The following KLHL13 variants were observed in gnomAD, a reference collection of about 807,000 sequenced individuals.
The protein encoded by KLHL13 is kelch-like protein 13.
In KLHL13, 10 loss-of-function variants were observed where a neutral mutation model predicts 37.1. The ratio of observed to expected loss-of-function variants is 0.27; its 90% CI spans 0.17 to 0.46. The LOEUF is 0.46. Ranked by LOEUF, KLHL13 falls within the 20% of genes least tolerant of loss-of-function variation. The pLI is 1.00. For synonymous variants in KLHL13, 163 were observed against 181.2 expected, an observed-to-expected ratio of 0.90 and a Z score of 0.81; for missense variants, 360 against 509.3, an observed-to-expected ratio of 0.71 and a Z score of 2.82.
rs1039938701 is a variant in KLHL13, at chrX:117,973,713, G to A, written c.-885C>T. Reference sequence around the variant, plus strand: ...ATATCACTCTCTCTTCTGCAGCAGCGAAGTACAGAGTAGCATGCTCTTAAT... The same window carrying A: ...ATATCACTCTCTCTTCTGCAGCAGCAAAGTACAGAGTAGCATGCTCTTAAT... On this transcript the variant is annotated 5_prime_UTR_variant, in exon 1 of 7. Coordinates refer to ENST00000262820, the Ensembl canonical transcript of KLHL13. 47 of 832,340 alleles carry A rather than the reference G, an allele frequency of 5.6e-5. No individual in the cohort carries two copies. In the African/African-American group the frequency reaches 9.3e-4, roughly 16 times the overall value. 68.6% of individuals were successfully genotyped at this position (832,340 alleles called of 1,213,427 possible). A position where few individuals can be genotyped will look rare whatever the true frequency, so the allele number is the denominator to read the frequency against.
chrX:117,945,676 A>G, intron 1 of KLHL13, 101 bp from the exon 3 acceptor site: 2 of 634,431 alleles, frequency 3.2e-6, no homozygotes, highest in Non-Finnish European at 4.9e-6. Context: ...CAATCATATG[A>G]CCATGCAATA....
At chrX:118,070,516 T>C (rs1223055153) in intron 1 of KLHL13, among the ~76,000 whole-genome samples, 1 of 111,741 alleles carries the variant, frequency 8.9e-6, no homozygotes, top group Non-Finnish European at 1.9e-5. Flanking sequence ...TAGTATATGG[T>C]CAATTTTAAT....
intron 1 of KLHL13, among the ~76,000 whole-genome samples, chrX:118,043,892 G>C (rs1241865273): frequency 9.0e-6 from 1 of 111,503 alleles, no homozygotes. Context: ...GTCCTAGATA[G>C]AGCAACCAGA....
chrX:118,020,693 G>A (rs144033334), intron 1 of KLHL13, among the ~76,000 whole-genome samples: 3,915 of 110,306 alleles, frequency 0.035, 95 homozygotes, highest in Non-Finnish European at 0.056. Flanking sequence ...ACATGCACAC[G>A]TATGTTTATT....
intron 2 of KLHL13, among the ~76,000 whole-genome samples, chrX:117,930,242 G>GAGGGAGGA (rs1932346230): frequency 1.3e-4 from 8 of 62,992 alleles, no homozygotes; most frequent in Non-Finnish European, 2.0e-4. Flanking sequence ...GGAAGGAAGG[G>GAGGGAGGA]AGGAAGGAAG....
intron 4 of KLHL13, among the ~76,000 whole-genome samples, chrX:117,911,600 C>G (rs757354079): frequency 7.2e-5 from 8 of 111,580 alleles, no homozygotes; most frequent in Non-Finnish European, 1.5e-4. Flanking sequence ...CTCCCTGTGC[C>G]CATGAGTTCT....
At chrX:118,032,521 G>C (rs1280772355) in intron 1 of KLHL13, among the ~76,000 whole-genome samples, 1 of 112,055 alleles carries the variant, frequency 8.9e-6, no homozygotes, top group South Asian at 3.7e-4. Flanking sequence ...CAGACCTGCA[G>C]CTGAGGGTCC....
At chrX:118,079,270 GATGT>G (rs773483881) in intron 1 of KLHL13, among the ~76,000 whole-genome samples, 1 of 110,336 alleles carries the variant, frequency 9.1e-6, no homozygotes, top group African/African-American at 3.3e-5. Flanking sequence ...AGGCTTAAAA[GATGT>G]ATAGGAAGTC....
At chrX:117,903,123 G>A (rs1158584470) in intron 5 of KLHL13, among the ~76,000 whole-genome samples, 1 of 96,802 alleles carries the variant, frequency 1.0e-5, no homozygotes, top group Non-Finnish European at 2.1e-5. Flanking sequence ...AAAATAACAT[G>A]GTGACAGGCA....
chrX:117,948,353 C>T (rs1933423362), intron 1 of KLHL13, among the ~76,000 whole-genome samples: 1 of 111,917 alleles, frequency 8.9e-6, no homozygotes, highest in Non-Finnish European at 1.9e-5. Flanking sequence ...TCCAAGGCTA[C>T]CTAACAGAAT....
intron 1 of KLHL13, among the ~76,000 whole-genome samples, chrX:118,031,456 GAT>G (rs1165597330): frequency 1.2e-5 from 1 of 86,554 alleles, no homozygotes; most frequent in Non-Finnish European, 2.1e-5. Flanking sequence ...TATATATATA[GAT>G]ATATATATTT....
chrX:117,909,467 A>G (rs1243894009), exon 5 of KLHL13: 1 of 1,211,774 alleles, frequency 8.3e-7, no homozygotes, highest in South Asian at 1.8e-5. Flanking sequence ...CTTTTGTATC[A>G]TAATTACTCT....
At chrX:117,958,837 A>G (rs1165377146) in intron 1 of KLHL13, among the ~76,000 whole-genome samples, 2 of 111,730 alleles carry the variant, frequency 1.8e-5, no homozygotes, top group East Asian at 5.6e-4. Context: ...TAACAAAACG[A>G]TTGCCAACTT....
At chrX:118,080,589 T>C (rs759595007) in intron 1 of KLHL13, among the ~76,000 whole-genome samples, 2 of 111,946 alleles carry the variant, frequency 1.8e-5, no homozygotes, top group Non-Finnish European at 3.8e-5. Context: ...AGAATGGCTG[T>C]TATTAAAAAG....
chrX:118,002,495 A>T lies in KLHL13; in HGVS notation c.-55-56920T>A, dbSNP rs6646024. On this transcript the variant is annotated intron_variant, in intron 1 of 6. Coordinates refer to the KLHL13 transcript ENST00000371882. ...GTAATTCCAGCTACTTGGGAGGCTG[A>T]AGCAGGAGAATTGCTTGAACCTGGG... Among the ~76,000 whole-genome samples the T allele has an allele frequency of 5.7e-3, 622 of 109,300 alleles. 5 individuals carry two copies. The highest frequency in any genetic ancestry group is 0.018 in the African/African-American group (534 of 30,017). The allele number at this position is 109,300 out of a possible 115,157, so 94.9% of individuals were successfully genotyped here. A position where few individuals can be genotyped will look rare whatever the true frequency, so the allele number is the denominator to read the frequency against.
chrX:118,055,040 A>G (rs1024948103), intron 1 of KLHL13, among the ~76,000 whole-genome samples: 4 of 111,694 alleles, frequency 3.6e-5, no homozygotes, highest in African/African-American at 1.3e-4. Context: ...TTTCCAGCAG[A>G]AATCACCATG....
At chrX:118,067,433 T>TAA (rs2054807067) in intron 1 of KLHL13, among the ~76,000 whole-genome samples, 1 of 107,968 alleles carries the variant, frequency 9.3e-6, no homozygotes, top group Admixed American at 9.7e-5. Context: ...TACACTTAGG[T>TAA]AAACTAAATT....
chrX:117,941,781 C>A (rs890843782), intron 2 of KLHL13, among the ~76,000 whole-genome samples: 5 of 111,464 alleles, frequency 4.5e-5, no homozygotes, highest in African/African-American at 1.6e-4. Context: ...TTTCAAAAAA[C>A]CAGCTCCTGG....
chrX:117,916,207 A>G (rs1931351811), intron 4 of KLHL13, among the ~76,000 whole-genome samples: 2 of 112,200 alleles, frequency 1.8e-5, no homozygotes, highest in Admixed American at 9.4e-5. Flanking sequence ...TAATGGGCAC[A>G]GTATTTAACA....
Sources: gnomAD v4.1 joint callset for allele counts (sites outside exome capture counted in the v4.1 genomes callset) on GRCh38, gnomAD v4.1.1 for gene constraint, MANE v1.5 for transcripts, NCBI Gene and HGNC (gene_info 2026-07-23, HGNC 2026-07-21) for gene names.